The following PDE1B variants were observed in gnomAD, a reference collection of about 807,000 sequenced individuals.
PDE1B encodes the protein dual specificity calcium/calmodulin-dependent 3',5'-cyclic nucleotide phosphodiesterase 1B.
Under a neutral mutation model 66.7 loss-of-function variants are expected in PDE1B, and 13 were observed. The observed-to-expected ratio is 0.19, with a 90% CI of 0.13 to 0.31. The LOEUF is 0.31. PDE1B is among the 10% of genes least tolerant of loss of function. The probability of loss-of-function intolerance (pLI) is 1.00; values close to 1 mark genes in which losing one functional copy is unlikely to be tolerated. For synonymous variants in PDE1B, 230 were observed against 253.9 expected (o/e 0.91, Z 0.90); for missense variants, 485 against 682.3 (o/e 0.71, Z 3.22).
chr12:54,555,507 A>C (rs1408901273), intron 2 of PDE1B, among the ~76,000 whole-genome samples: 1 of 152,200 alleles, frequency 6.6e-6, no homozygotes, highest in Non-Finnish European at 1.5e-5. Flanking sequence ...TGAGATGCTC[A>C]GTAGGAAAGA....
Position 54,573,062 on chromosome 12 carries a change from T to G in PDE1B, c.736-86T>G. ...GCCTGGAAGCATGGAAGGGATGGGA[T>G]GAGTGATCTAGCCTGTGTGTGGAGG... On this transcript the variant is annotated intron_variant, in intron 7 of 15. Transcript: ENST00000243052. The surrounding 1 kb of genome is among the most constrained non-coding windows in gnomAD (Gnocchi z 5.2). The G allele has an allele frequency of 6.2e-6, 6 of 967,566 alleles. No homozygotes were observed. Among genetic ancestry groups the G allele is most frequent in the South Asian group, 1.3e-5 (1 of 74,362 alleles). 59.9% of individuals were successfully genotyped at this position (967,566 alleles called of 1,614,324 possible).
Position 54,575,290 on chromosome 12 carries a change from A to G in PDE1B, c.1185+72A>G, listed in dbSNP as rs1957713731. On this transcript the variant is annotated intron_variant, in intron 11 of 15. Coordinates refer to ENST00000243052, the MANE Select transcript of PDE1B (RefSeq NM_000924.4). The surrounding 1 kb of genome is among the most constrained non-coding windows in gnomAD (Gnocchi z 4.0). ...CCCCTTTTGCCCTCCAAGTTCCCCA[A>G]TCCTGTTCCACATCCTCCTTTTGCT... 2 of 1,355,896 alleles carry G rather than the reference A, an allele frequency of 1.5e-6. No individual in the cohort carries two copies. The highest frequency in any genetic ancestry group is 1.4e-5 in the African/African-American group (1 of 69,754). 84.0% of individuals were successfully genotyped at this position (1,355,896 alleles called of 1,614,324 possible). A position where few individuals can be genotyped will look rare whatever the true frequency, so the allele number is the denominator to read the frequency against.
At chr12:54,562,737 A>G (rs1344558269) in intron 2 of PDE1B, among the ~76,000 whole-genome samples, 1 of 152,164 alleles carries the variant, frequency 6.6e-6, no homozygotes, top group Non-Finnish European at 1.5e-5. Flanking sequence ...ATTTGACTTC[A>G]GGAGGTTGCA....
chr12:54,563,336 C>T (rs190691031), intron 2 of PDE1B, among the ~76,000 whole-genome samples: 28 of 152,272 alleles, frequency 1.8e-4, no homozygotes, highest in South Asian at 1.0e-3. Context: ...TTTGGGGACA[C>T]GGTTAGGTTC....
chr12:54,549,822 G>A lies in PDE1B; in HGVS notation c.-13-38G>A, dbSNP rs749483763. ...TGAGGGTCTCTCGGCTGGGGCTGAAGCTGAGCCGAGGTGCTGTCTCCTCCT... is the reference window on the plus strand; with the variant it reads ...TGAGGGTCTCTCGGCTGGGGCTGAAACTGAGCCGAGGTGCTGTCTCCTCCT... On this transcript the variant is annotated intron_variant, in intron 1 of 15. Coordinates refer to ENST00000243052, the MANE Select transcript of PDE1B (RefSeq NM_000924.4). 3.5e-6 allele frequency: 5 copies of A among 1,433,632 alleles called. No homozygotes were observed. The South Asian group carries it at 5.8e-5, about 17-fold the overall frequency. 88.8% of individuals were successfully genotyped at this position (1,433,632 alleles called of 1,614,324 possible).
rs1957664186 is a variant in PDE1B, at chr12:54,573,801, CTT to C, written c.1064+94_1064+95del. ...CACAAGGGTAGTTGGTGTGCCAGGT[CTT>C]TACCTCGCTGTAGAGACTCCACTGG... On this transcript the variant is annotated intron_variant, in intron 10 of 15. Transcript: ENST00000243052. This position sits in a 1 kb window ranked among gnomAD's most constrained non-coding sequence, Gnocchi z 5.2. 1.2e-6 allele frequency: 1 copy of C among 861,944 alleles called. No homozygotes were observed. Among genetic ancestry groups the C allele is most frequent in the Non-Finnish European group, 2.0e-6 (1 of 508,646 alleles). The allele number at this position is 861,944 out of a possible 1,614,324, so 53.4% of individuals were successfully genotyped here. A position where few individuals can be genotyped will look rare whatever the true frequency, so the allele number is the denominator to read the frequency against.
intron 14 of PDE1B, 28 bp from the exon 15 acceptor site, chr12:54,577,197 G>A: frequency 6.3e-7 from 1 of 1,586,340 alleles, no homozygotes; most frequent in African/African-American, 1.3e-5. Flanking sequence ...CTTGGCCTAA[G>A]CTCAGCCTCC....
At chr12:54,566,239 GGAA>G (rs1355623236) in intron 2 of PDE1B, among the ~76,000 whole-genome samples, 1 of 152,128 alleles carries the variant, frequency 6.6e-6, no homozygotes, top group Non-Finnish European at 1.5e-5. Flanking sequence ...CTTTTATCCT[GGAA>G]GAAGCTTCAG....
chr12:54,576,994 G>A, intron 14 of PDE1B: 1 of 606,444 alleles, frequency 1.6e-6, no homozygotes, highest in Non-Finnish European at 2.9e-6. Context: ...CTAATTTGGT[G>A]GCCCTGGCTG....
rs773155233 is a variant in PDE1B, at chr12:54,577,277, C to T, written c.1560C>T (p.Ala520=). Residue 520 remains alanine, a synonymous_variant, in exon 15 of 16, where the codon GCC becomes GCT. Coordinates refer to ENST00000243052, the MANE Select transcript of PDE1B (RefSeq NM_000924.4). ...IDELSPCEEE[A]PPSPAEDEHN... ...AGCTGTCCCCCTGTGAAGAAGAGGCCCCCCCATCCCCTGCCGAAGATGAAC... is the reference window on the plus strand; with the variant it reads ...AGCTGTCCCCCTGTGAAGAAGAGGCTCCCCCATCCCCTGCCGAAGATGAAC... The T allele has an allele frequency of 6.8e-6, 11 of 1,613,654 alleles. No homozygotes were observed. Among genetic ancestry groups the T allele is most frequent in the Non-Finnish European group, 9.3e-6 (11 of 1,179,820 alleles).
At chr12:54,557,524 A>G (rs1957356924) in intron 2 of PDE1B, among the ~76,000 whole-genome samples, 1 of 152,218 alleles carries the variant, frequency 6.6e-6, no homozygotes, top group Non-Finnish European at 1.5e-5. Flanking sequence ...CCTGAATCTG[A>G]GAACCATAAA....
chr12:54,560,629 C>T (rs1436575604), intron 2 of PDE1B, among the ~76,000 whole-genome samples: 1 of 152,214 alleles, frequency 6.6e-6, no homozygotes, highest in Non-Finnish European at 1.5e-5. Flanking sequence ...CCACTTGGAG[C>T]TGCAGAGGCT....
At chr12:54,561,329 T>C (rs1460370728) in intron 2 of PDE1B, 1 of 437,362 alleles carries the variant, frequency 2.3e-6, no homozygotes, top group Non-Finnish European at 3.7e-6. Flanking sequence ...GATTCTTGTT[T>C]TCCGTCTGAT....
intron 3 of PDE1B, among the ~76,000 whole-genome samples, chr12:54,567,524 T>A (rs991829410): frequency 6.8e-5 from 10 of 147,144 alleles, no homozygotes; most frequent in Non-Finnish European, 1.2e-4. Flanking sequence ...AATAAATAAA[T>A]AAATAAAAAA....
Position 54,550,001 on chromosome 12 carries a change from G to T in PDE1B, c.113+16G>T, listed in dbSNP as rs751503107. On this transcript the variant is annotated intron_variant, in intron 2 of 15. Transcript: ENST00000243052. ...TTCGGTCTCTGTAAGTCCCCGGCCCGGGAATGGGGGGAAGGGACCTTAGGG... is the reference window on the plus strand; with the variant it reads ...TTCGGTCTCTGTAAGTCCCCGGCCCTGGAATGGGGGGAAGGGACCTTAGGG... The T allele has an allele frequency of 6.2e-7, 1 of 1,612,392 alleles. No individual in the cohort carries two copies.
intron 3 of PDE1B, among the ~76,000 whole-genome samples, chr12:54,568,753 G>A (rs1232089953): frequency 1.3e-5 from 2 of 151,524 alleles, no homozygotes; most frequent in Non-Finnish European, 2.9e-5. Context: ...CCAAGATCGC[G>A]CCATTGCACT....
Position 54,577,972 on chromosome 12 carries a change from A to C in PDE1B, c.*130A>C. 1 of 156,392 alleles carries C rather than the reference A, an allele frequency of 6.4e-6. No homozygotes were observed. Among genetic ancestry groups the C allele is most frequent in the Non-Finnish European group, 1.4e-5 (1 of 70,956 alleles). The allele number at this position is 156,392 out of a possible 1,614,324, so 9.7% of individuals were successfully genotyped here. ...GAAGAAACAACCCACCTGAAGGCCA[A>C]ATGCCAGAGATTTGGGGTTGGGGAA... On this transcript the variant is annotated 3_prime_UTR_variant, in exon 16 of 16. Transcript: ENST00000243052.
At chr12:54,564,551 T>C (rs1228894673) in intron 2 of PDE1B, among the ~76,000 whole-genome samples, 1 of 152,116 alleles carries the variant, frequency 6.6e-6, no homozygotes, top group Admixed American at 6.5e-5. Flanking sequence ...GGAGGACTGA[T>C]TAAGCCCAGC....
chr12:54,564,858 AGG>A (rs2121091231), intron 2 of PDE1B, among the ~76,000 whole-genome samples: 2 of 152,312 alleles, frequency 1.3e-5, no homozygotes, highest in African/African-American at 4.8e-5. Context: ...CTTTGAATCC[AGG>A]ATTCCTGCCT....
Sources: allele counts gnomAD v4.1 joint callset (sites outside exome capture counted in the v4.1 genomes callset), GRCh38; gene constraint gnomAD v4.1.1; non-coding constraint Gnocchi (gnomAD v3.1); transcripts MANE v1.5; gene names NCBI Gene and HGNC (gene_info 2026-07-23, HGNC 2026-07-21).